CNTN4: variants seen among roughly 807,000 people sequenced by gnomAD.
The protein encoded by CNTN4 is contactin-4.
A neutral mutation model predicts 122.5 loss-of-function variants in CNTN4; 77 were observed. The observed-to-expected ratio is 0.63, with a 90% CI of 0.52 to 0.76. The LOEUF (loss-of-function observed/expected upper bound fraction) is 0.76, where lower values mean the gene tolerates loss of function less well. Ranked by LOEUF, CNTN4 falls within the 30% of genes least tolerant of loss-of-function variation. CNTN4 has a pLI of 0.00. For missense variants in CNTN4, 1,256 were observed against 1,259.1 expected, an observed-to-expected ratio of 1.00 and a Z score of 0.04; for synonymous variants, 512 against 447.0, an observed-to-expected ratio of 1.15 and a Z score of -1.83.
chr3:2,955,457 C>T (rs1054057561), intron 13 of CNTN4, among the ~76,000 whole-genome samples: 6 of 152,120 alleles, frequency 3.9e-5, no homozygotes, highest in Non-Finnish European at 5.9e-5. Context: ...ATCCTCATTA[C>T]CACAAAATGG....
intron 4 of CNTN4, among the ~76,000 whole-genome samples, chr3:2,686,456 A>G (rs897078239): frequency 2.2e-4 from 34 of 152,232 alleles, no homozygotes; most frequent in African/African-American, 6.7e-4. Context: ...GGTTACTGCA[A>G]TCATTCCTCA....
chr3:2,334,820 T>G (rs2043877852), intron 2 of CNTN4, among the ~76,000 whole-genome samples: 1 of 152,150 alleles, frequency 6.6e-6, no homozygotes, highest in Admixed American at 6.5e-5. Context: ...AGATGCCGCA[T>G]CTGGGTTTTT....
chr3:2,571,330 A>G (rs2149491120), intron 3 of CNTN4, 86 bp from the exon 4 acceptor site: 1 of 646,252 alleles, frequency 1.5e-6, no homozygotes, highest in East Asian at 2.7e-5. Flanking sequence ...AGTGAGTTTT[A>G]TTGATATTTG....
At chr3:3,008,076 A>C (rs1696828929) in intron 14 of CNTN4, among the ~76,000 whole-genome samples, 1 of 152,222 alleles carries the variant, frequency 6.6e-6, no homozygotes, top group Non-Finnish European at 1.5e-5. Flanking sequence ...ATCATTGCTT[A>C]CTATTCAGCC....
intron 4 of CNTN4, among the ~76,000 whole-genome samples, chr3:2,633,485 A>C (rs1037552715): frequency 6.6e-6 from 1 of 152,230 alleles, no homozygotes; most frequent in African/African-American, 2.4e-5. Context: ...CTTTGGGTCC[A>C]TAAACACATA....
At position 2,677,901 on chromosome 3, in the gene CNTN4, G is replaced by A. The variant is rs115925378; in HGVS notation, c.56-58314G>A. Among the ~76,000 whole-genome samples, 10 of 152,148 alleles carry A rather than the reference G, an allele frequency of 6.6e-5. No homozygotes were observed. The East Asian group carries it at 1.2e-3, about 18-fold the overall frequency. On this transcript the variant is annotated intron_variant, in intron 4 of 24. Coordinates refer to ENST00000418658, the MANE Select transcript of CNTN4 (RefSeq NM_175607.3). ...CACAAGAGTGTGTATTTTACACTAC[G>A]GAAATGTAAAGCATTTAATCAGTCT...
intron 3 of CNTN4, among the ~76,000 whole-genome samples, chr3:2,348,073 A>AT (rs2044471886): frequency 2.0e-5 from 3 of 152,128 alleles, no homozygotes; most frequent in African/African-American, 7.2e-5. Context: ...ACCTTAGTGA[A>AT]CTACTTCCTT....
intron 2 of CNTN4, among the ~76,000 whole-genome samples, chr3:2,289,689 C>T (rs532306722): frequency 2.0e-5 from 3 of 152,026 alleles, no homozygotes; most frequent in African/African-American, 7.2e-5. Context: ...CCCGCTTCCC[C>T]GTATAAATAT....
intron 2 of CNTN4, among the ~76,000 whole-genome samples, chr3:2,199,651 G>A (rs1039559032): frequency 6.6e-6 from 1 of 152,138 alleles, no homozygotes; most frequent in African/African-American, 2.4e-5. Flanking sequence ...GAACAAAATA[G>A]TCAAAATATA....
chr3:2,294,486 C>T (rs191373250), intron 2 of CNTN4, among the ~76,000 whole-genome samples: 59 of 152,044 alleles, frequency 3.9e-4, no homozygotes, highest in Non-Finnish European at 6.5e-4. Flanking sequence ...ACAAAAATTG[C>T]TGGGCATGGT....
At position 2,723,512 on chromosome 3, in the gene CNTN4, C is replaced by T. The variant is rs539331738; in HGVS notation, c.56-12703C>T. Among the ~76,000 whole-genome samples the T allele has an allele frequency of 2.6e-5, 4 of 152,170 alleles. No homozygotes were observed. The East Asian group carries it at 5.8e-4, about 22-fold the overall frequency. ...CTGCTCTGTGCTTCCAAGGTGGCAC[C>T]CTGTTATTGCGTCCTCCAGAGGGGA... is the stretch of plus-strand genomic sequence containing the variant. On this transcript the variant is annotated intron_variant, in intron 4 of 24. Coordinates refer to ENST00000418658, the MANE Select transcript of CNTN4 (RefSeq NM_175607.3).
intron 4 of CNTN4, among the ~76,000 whole-genome samples, chr3:2,573,454 A>T (rs1171086242): frequency 6.6e-6 from 1 of 151,932 alleles, no homozygotes. Flanking sequence ...TGGGACCTTG[A>T]CCCTCCTAAG....
intron 3 of CNTN4, among the ~76,000 whole-genome samples, chr3:2,525,105 A>C (rs1183600579): frequency 6.6e-6 from 1 of 152,148 alleles, no homozygotes; most frequent in Non-Finnish European, 1.5e-5. Context: ...GACCTGGATG[A>C]GAACACCTAT....
intron 3 of CNTN4, among the ~76,000 whole-genome samples, chr3:2,390,042 A>C (rs1052800336): frequency 1.3e-5 from 2 of 152,212 alleles, no homozygotes; most frequent in African/African-American, 4.8e-5. Context: ...CAACTGGAAA[A>C]ATATGAATAG....
intron 3 of CNTN4, among the ~76,000 whole-genome samples, chr3:2,524,924 T>C (rs753758223): frequency 1.8e-4 from 28 of 152,282 alleles, no homozygotes; most frequent in Non-Finnish European, 4.0e-4. Context: ...AATGGCAACA[T>C]AGAACACTGT....
intron 3 of CNTN4, among the ~76,000 whole-genome samples, chr3:2,448,712 C>T (rs2048717225): frequency 6.6e-6 from 1 of 152,170 alleles, no homozygotes; most frequent in Non-Finnish European, 1.5e-5. Context: ...ACAATTATTA[C>T]TGAGTACAGG....
intron 2 of CNTN4, among the ~76,000 whole-genome samples, chr3:2,123,556 G>C (rs1166994592): frequency 6.6e-6 from 1 of 152,148 alleles, no homozygotes; most frequent in African/African-American, 2.4e-5. Flanking sequence ...TGCTACTGCT[G>C]TGTCCAGCTG....
chr3:2,591,659 C>CTTT (rs2080499343), intron 4 of CNTN4, among the ~76,000 whole-genome samples: 1 of 51,620 alleles, frequency 1.9e-5, no homozygotes, highest in African/African-American at 6.5e-5. Context: ...CCACCGCGCC[C>CTTT]GGCCGATTTG....
At chr3:2,619,352 G>A (rs762524050) in intron 4 of CNTN4, among the ~76,000 whole-genome samples, 7 of 152,194 alleles carry the variant, frequency 4.6e-5, no homozygotes, top group Non-Finnish European at 1.0e-4. Context: ...AGTAGCAATA[G>A]ACATTGACTG....
Sources: gnomAD v4.1 joint callset for allele counts (sites outside exome capture counted in the v4.1 genomes callset) on GRCh38, gnomAD v4.1.1 for gene constraint, MANE v1.5 for transcripts, NCBI Gene and HGNC (gene_info 2026-07-23, HGNC 2026-07-21) for gene names.